Variants in TASP1 observed in about 807,000 individuals in gnomAD.
TASP1 encodes taspase 1, also known as threonine aspartase 1.
Under a neutral mutation model 56.6 loss-of-function variants are expected in TASP1, and 16 were observed. The observed-to-expected ratio is 0.28, with a 90% confidence interval of 0.19 to 0.43. The LOEUF (loss-of-function observed/expected upper bound fraction) is 0.43, where lower values mean the gene tolerates loss of function less well. Among genes scored for constraint, TASP1 ranks in the 20% least tolerant of loss-of-function variants. The pLI is 1.00. For missense variants in TASP1, 393 were observed against 511.6 expected (o/e 0.77, Z 2.24); for synonymous variants, 179 against 184.2 (o/e 0.97, Z 0.23).
chr20:13,185,400 C>T, the TASP1 span, among the ~76,000 whole-genome samples: 2 of 152,050 alleles, frequency 1.3e-5, no homozygotes, highest in African/African-American at 2.4e-5. Flanking sequence ...AGGTACCTCT[C>T]ATACATTATT....
chr20:13,300,550 A>G, the TASP1 span: 3 of 152,148 alleles, frequency 2.0e-5, no homozygotes, highest in African/African-American at 7.2e-5. Context: ...ACCTGGTCCT[A>G]TGGGGTAGAA....
chr20:13,494,767 A>G (rs925425251), intron 10 of TASP1, among the ~76,000 whole-genome samples: 4 of 152,140 alleles, frequency 2.6e-5, no homozygotes, highest in Admixed American at 2.6e-4. Flanking sequence ...TATGGACAAG[A>G]TCATAGTAAT....
At chr20:13,153,336 A>G in the TASP1 span, among the ~76,000 whole-genome samples, 1 of 152,082 alleles carries the variant, frequency 6.6e-6, no homozygotes, top group Non-Finnish European at 1.5e-5. Flanking sequence ...CTTGACATGG[A>G]CCCATGTATG....
chr20:13,309,268 G>A, the TASP1 span, among the ~76,000 whole-genome samples: 3,604 of 151,614 alleles, frequency 0.024, 47 homozygotes, highest in Non-Finnish European at 0.03. Context: ...ATACTTTAGA[G>A]GTAACATTTT....
At chr20:13,107,144 GAGCATACAAAC>G in the TASP1 span, among the ~76,000 whole-genome samples, 1 of 152,172 alleles carries the variant, frequency 6.6e-6, no homozygotes, top group Non-Finnish European at 1.5e-5. Context: ...CAGGGATACT[GAGCATACAAAC>G]GTCTGGGCCC....
At chr20:13,521,552 T>A (rs1264499121) in intron 10 of TASP1, among the ~76,000 whole-genome samples, 1 of 150,112 alleles carries the variant, frequency 6.7e-6, no homozygotes, top group East Asian at 2.0e-4. Context: ...AAACACCGCA[T>A]GTTCTCACTC....
At chr20:13,225,144 C>T in the TASP1 span, among the ~76,000 whole-genome samples, 16 of 152,094 alleles carry the variant, frequency 1.1e-4, no homozygotes, top group East Asian at 7.7e-4. Context: ...TGAGCCACCG[C>T]GCCCGGCCCA....
At chr20:13,234,269 C>T in the TASP1 span, among the ~76,000 whole-genome samples, 23 of 152,174 alleles carry the variant, frequency 1.5e-4, no homozygotes, top group Non-Finnish European at 2.9e-5. Context: ...CCGGTACCAG[C>T]CATGTTGCTG....
chr20:13,243,186 C>T, the TASP1 span, among the ~76,000 whole-genome samples: 3 of 152,180 alleles, frequency 2.0e-5, no homozygotes, highest in African/African-American at 7.2e-5. Context: ...AACTTTGAGT[C>T]CCTACTCTGT....
chr20:13,331,373 G>A, the TASP1 span, among the ~76,000 whole-genome samples: 2 of 152,142 alleles, frequency 1.3e-5, no homozygotes, highest in African/African-American at 4.8e-5. Flanking sequence ...TCAAATTAAT[G>A]AGAAAATTCA....
At chr20:13,468,866 T>G (rs900697428) in intron 11 of TASP1, among the ~76,000 whole-genome samples, 19 of 46,460 alleles carry the variant, frequency 4.1e-4, no homozygotes, top group East Asian at 1.5e-3. Flanking sequence ...TGTGTGTGTG[T>G]TTTTTTTTTT....
intron 4 of TASP1, among the ~76,000 whole-genome samples, chr20:13,612,273 T>C (rs932793097): frequency 6.6e-6 from 1 of 152,162 alleles, no homozygotes; most frequent in African/African-American, 2.4e-5. Context: ...AAATTTGTAA[T>C]ACCTTTTTCC....
chr20:13,261,974 C>T, the TASP1 span, among the ~76,000 whole-genome samples: 1 of 152,176 alleles, frequency 6.6e-6, no homozygotes, highest in African/African-American at 2.4e-5. Context: ...AGGAGATGTT[C>T]GCCTTCTGGT....
chr20:13,355,315 T>C, the TASP1 span, among the ~76,000 whole-genome samples: 1 of 152,164 alleles, frequency 6.6e-6, no homozygotes, highest in South Asian at 2.1e-4. Context: ...GTTCCTGGGA[T>C]ATAGATCAGA....
At chr20:13,621,615 A>T (rs2048721250) in intron 4 of TASP1, among the ~76,000 whole-genome samples, 1 of 152,080 alleles carries the variant, frequency 6.6e-6, no homozygotes, top group Admixed American at 6.6e-5. Flanking sequence ...GTTATCCGAA[A>T]CTGTAAGTCC....
intron 5 of TASP1, among the ~76,000 whole-genome samples, chr20:13,582,123 C>CA (rs773253001): frequency 0.071 from 5,630 of 78,894 alleles, 320 homozygotes; most frequent in African/African-American, 0.18. Context: ...GTATGAAATA[C>CA]AAAAAAAAAA....
At position 13,629,996 on chromosome 20, in the gene TASP1, T is replaced by C; in HGVS notation, c.83A>G (p.Lys28Arg). The change falls in exon 2 of 14, where the codon AAA (lysine) becomes AGA (arginine). Residue 28 changes from lysine (K) to arginine (R), a missense_variant. Physicochemically the swap from Lys to Arg is conservative, Grantham distance 26. This residue lies in a region of TASP1 where 52 missense variants were observed against 51.1 expected (regional missense o/e 1.02). Coordinates refer to ENST00000337743, the MANE Select transcript of TASP1 (RefSeq NM_017714.3). ...SQVSAGKITAKELETKQSYKE... is the reference protein window; with the variant it reads ...SQVSAGKITARELETKQSYKE... The stretch of plus-strand genomic sequence containing the variant: ...ATAGGACTGCTTTGTTTCCAACTCT[T>C]TGGCTGTTATTTTACCAGCCGAAAC... The C allele has an allele frequency of 6.2e-7, 1 of 1,614,056 alleles. No individual in the cohort carries two copies. Among genetic ancestry groups the C allele is most frequent in the East Asian group, 2.2e-5 (1 of 44,882 alleles).
chr20:13,193,316 G>A, the TASP1 span, among the ~76,000 whole-genome samples: 1 of 152,006 alleles, frequency 6.6e-6, no homozygotes, highest in African/African-American at 2.4e-5. Flanking sequence ...AAGATTATCA[G>A]TGTGGGTGAA....
chr20:13,295,059 TCACCCTGACCGTGTGATTTC>T, the TASP1 span, among the ~76,000 whole-genome samples: 1 of 152,096 alleles, frequency 6.6e-6, no homozygotes, highest in African/African-American at 2.4e-5. Flanking sequence ...CAGCTGCCCC[TCACCCTGACCGTGTGATTTC>T]CACCCACACC....
Sources: gnomAD v4.1 joint callset for allele counts (sites outside exome capture counted in the v4.1 genomes callset) on GRCh38, gnomAD v4.1.1 for gene constraint, gnomAD v4.1.1 regional missense constraint, MANE v1.5 for transcripts, NCBI Gene and HGNC (gene_info 2026-07-23, HGNC 2026-07-21) for gene names.